The following ZFAND3 variants were observed in gnomAD, a reference collection of about 807,000 sequenced individuals.
ZFAND3 encodes AN1-type zinc finger protein 3.
Under a neutral mutation model 29.6 loss-of-function variants are expected in ZFAND3, and 10 were observed. The ratio of observed to expected loss-of-function variants is 0.34; its 90% confidence interval spans 0.21 to 0.57. ZFAND3 has a LOEUF of 0.57. Among genes scored for constraint, ZFAND3 ranks in the 20% least tolerant of loss-of-function variants. The pLI is 0.86. For synonymous variants in ZFAND3, 128 were observed against 112.6 expected (o/e 1.14, Z -0.87); for missense variants, 230 against 304.5 (o/e 0.76, Z 1.82).
At chr6:38,120,932 G>A (rs753616638) in intron 5 of ZFAND3, among the ~76,000 whole-genome samples, 15 of 152,162 alleles carry the variant, frequency 9.9e-5, no homozygotes, top group Non-Finnish European at 1.9e-4. Context: ...ATCATTCACT[G>A]TCAAACCAAA....
At chr6:38,148,810 G>A (rs573329737) in intron 5 of ZFAND3, among the ~76,000 whole-genome samples, 2 of 152,200 alleles carry the variant, frequency 1.3e-5, no homozygotes, top group East Asian at 3.9e-4. Context: ...GGCTGCTGTC[G>A]GTAGATAATA....
intron 4 of ZFAND3, among the ~76,000 whole-genome samples, chr6:38,099,664 A>C (rs1017858297): frequency 6.6e-6 from 1 of 152,200 alleles, no homozygotes; most frequent in African/African-American, 2.4e-5. Context: ...TTTAACTCAG[A>C]TTGTGTTAAT....
chr6:38,091,166 C>A (rs1240885902), intron 4 of ZFAND3, among the ~76,000 whole-genome samples: 1 of 152,202 alleles, frequency 6.6e-6, no homozygotes, highest in Non-Finnish European at 1.5e-5. Flanking sequence ...AGGGAAGCGT[C>A]ATGTGGCTTG....
At chr6:38,032,660 C>T (rs1169697667) in intron 2 of ZFAND3, among the ~76,000 whole-genome samples, 2 of 152,160 alleles carry the variant, frequency 1.3e-5, no homozygotes, top group African/African-American at 2.4e-5. Flanking sequence ...ACATTAAGAG[C>T]AGCTGGGAGG....
Position 38,154,350 on chromosome 6 carries a change from A to G in ZFAND3, c.*1961A>G, listed in dbSNP as rs747743892. 1.8e-5 allele frequency: 15 copies of G among 847,808 alleles called. No individual in the cohort carries two copies. Among genetic ancestry groups the G allele is most frequent in the African/African-American group, 2.0e-5 (1 of 50,386 alleles). 52.5% of individuals were successfully genotyped at this position (847,808 alleles called of 1,614,324 possible). A position where few individuals can be genotyped will look rare whatever the true frequency, so the allele number is the denominator to read the frequency against. On this transcript the variant is annotated 3_prime_UTR_variant, in exon 6 of 6. Coordinates refer to ENST00000287218, the MANE Select transcript of ZFAND3 (RefSeq NM_021943.3). ...GAGCTGGCCTGGGGGAGCGAAGCCC[A>G]TGTTCGCTTCCTGACTTAGAGCTGG...
intron 4 of ZFAND3, among the ~76,000 whole-genome samples, chr6:38,086,876 T>C (rs911910545): frequency 5.3e-5 from 8 of 152,134 alleles, no homozygotes; most frequent in African/African-American, 1.4e-4. Flanking sequence ...AGACCCAGAA[T>C]AGACAAAGCT....
At chr6:38,047,940 T>A (rs1305738764) in intron 2 of ZFAND3, among the ~76,000 whole-genome samples, 2 of 151,926 alleles carry the variant, frequency 1.3e-5, no homozygotes, top group East Asian at 1.9e-4. Context: ...GTTAAGAAGA[T>A]CTGTTCCAGA....
At position 38,153,674 on chromosome 6, in the gene ZFAND3, G is replaced by T. The variant is rs77453856; in HGVS notation, c.*1285G>T. 14 of 985,292 alleles carry T rather than the reference G, an allele frequency of 1.4e-5. No homozygotes were observed. The highest frequency in any genetic ancestry group is 5.2e-4 in the Middle Eastern group (1 of 1,936). 61.0% of individuals were successfully genotyped at this position (985,292 alleles called of 1,614,324 possible). A position where few individuals can be genotyped will look rare whatever the true frequency, so the allele number is the denominator to read the frequency against. On this transcript the variant is annotated 3_prime_UTR_variant, in exon 6 of 6. Coordinates refer to ENST00000287218, the MANE Select transcript of ZFAND3 (RefSeq NM_021943.3). ...GCAACTGCGCACGCCAGGTGGGGAAGGGTGGGGGTGGGCCTGGTTGCCCCA... is the reference window on the plus strand; with the variant it reads ...GCAACTGCGCACGCCAGGTGGGGAATGGTGGGGGTGGGCCTGGTTGCCCCA...
At chr6:37,864,372 A>G (rs1465111552) in intron 1 of ZFAND3, among the ~76,000 whole-genome samples, 1 of 152,218 alleles carries the variant, frequency 6.6e-6, no homozygotes, top group Admixed American at 6.5e-5. Context: ...GGCTGAATCC[A>G]TCTCCATAAT....
chr6:38,082,046 A>G (rs1024654988), intron 3 of ZFAND3, among the ~76,000 whole-genome samples: 2 of 152,076 alleles, frequency 1.3e-5, no homozygotes, highest in African/African-American at 4.8e-5. Flanking sequence ...GGAAGATTGC[A>G]TCTCCCCAAA....
At chr6:38,064,470 G>A (rs575427220) in intron 3 of ZFAND3, among the ~76,000 whole-genome samples, 8 of 152,162 alleles carry the variant, frequency 5.3e-5, no homozygotes, top group Non-Finnish European at 1.2e-4. Flanking sequence ...CCAGAACCAG[G>A]ATTCAAATTT....
At chr6:37,859,047 C>G (rs1344849289) in intron 1 of ZFAND3, among the ~76,000 whole-genome samples, 1 of 152,126 alleles carries the variant, frequency 6.6e-6, no homozygotes. Context: ...ATGTTTTAGC[C>G]CTGGCTTCAA....
chr6:38,118,975 C>T lies in ZFAND3; in HGVS notation c.529+2236C>T, dbSNP rs145673344. Among the ~76,000 whole-genome samples the T allele has an allele frequency of 3.5e-3, 540 of 152,164 alleles. 2 individuals are homozygous for T. The highest frequency in any genetic ancestry group is 5.7e-3 in the Non-Finnish European group (389 of 68,008). On this transcript the variant is annotated intron_variant, in intron 5 of 5. Coordinates refer to ENST00000287218, the MANE Select transcript of ZFAND3 (RefSeq NM_021943.3). ...TAGTCTCTTGGCTTGTGCCCAATTC[C>T]GAAAGTCTGCTTTTAGGGAGATTTG...
chr6:37,886,237 CAAAAAAAAAAAAAAAAAAA>C (rs55661554), intron 1 of ZFAND3, among the ~76,000 whole-genome samples: 11 of 95,306 alleles, frequency 1.2e-4, no homozygotes, highest in East Asian at 5.7e-4. Context: ...GACTCTGTCT[CAAAAAAAAAAAAAAAAAAA>C]AAAAAAAAAA....
At chr6:37,947,013 A>T (rs754537786) in intron 2 of ZFAND3, among the ~76,000 whole-genome samples, 2 of 152,238 alleles carry the variant, frequency 1.3e-5, no homozygotes, top group Non-Finnish European at 2.9e-5. Flanking sequence ...AATGTACTTA[A>T]TGCCACTGGA....
At chr6:37,872,182 G>T (rs1292998957) in intron 1 of ZFAND3, among the ~76,000 whole-genome samples, 2 of 152,150 alleles carry the variant, frequency 1.3e-5, no homozygotes, top group Non-Finnish European at 2.9e-5. Flanking sequence ...CGTGGCTTAC[G>T]TAGGCCTTCC....
intron 2 of ZFAND3, among the ~76,000 whole-genome samples, chr6:37,961,507 C>G (rs1762194934): frequency 6.6e-6 from 1 of 152,334 alleles, no homozygotes; most frequent in East Asian, 1.9e-4. Flanking sequence ...ACTGAGCGAA[C>G]AGAGGTGACA....
chr6:37,827,930 A>T (rs1763789451), intron 1 of ZFAND3, among the ~76,000 whole-genome samples: 1 of 152,232 alleles, frequency 6.6e-6, no homozygotes, highest in Non-Finnish European at 1.5e-5. Context: ...GGTTGTGGAT[A>T]AGCTCTAGTT....
rs374840601 is a variant in ZFAND3, at chr6:37,918,170, G to A, written c.72-11789G>A. Reference sequence around the variant, plus strand: ...CGGCTCACTGCAAGCTCTGCCTCACGGGTTCACGTCATTCTCTTGCCTCAG... The same window carrying A: ...CGGCTCACTGCAAGCTCTGCCTCACAGGTTCACGTCATTCTCTTGCCTCAG... On this transcript the variant is annotated intron_variant, in intron 1 of 5. Transcript: ENST00000287218. 5.9e-5 allele frequency among the ~76,000 whole-genome samples: 9 copies of A among 151,530 alleles called. No homozygotes were observed. In the East Asian group the frequency reaches 1.2e-3, roughly 20 times the overall value.
Sources: allele counts gnomAD v4.1 joint callset (sites outside exome capture counted in the v4.1 genomes callset), GRCh38; gene constraint gnomAD v4.1.1; transcripts MANE v1.5; gene names NCBI Gene and HGNC (gene_info 2026-07-23, HGNC 2026-07-21).